Variants in CACNA1C observed in about 807,000 individuals in gnomAD.
CACNA1C encodes calcium voltage-gated channel subunit alpha1 C.
Under a neutral mutation model 229.0 loss-of-function variants are expected in CACNA1C, and 30 were observed. That is an observed-to-expected ratio of 0.13 (90% CI 0.10 to 0.18). CACNA1C has a LOEUF of 0.18. Ranked by LOEUF, CACNA1C falls within the 10% of genes least tolerant of loss-of-function variation. CACNA1C has a pLI of 1.00. For missense variants in CACNA1C, 1,658 were observed against 2,845.0 expected, an observed-to-expected ratio of 0.58 and a Z score of 9.49; for synonymous variants, 1,114 against 1,132.5, an observed-to-expected ratio of 0.98 and a Z score of 0.33.
chr12:2,516,415 G>A (rs999715548), intron 9 of CACNA1C, among the ~76,000 whole-genome samples: 1 of 152,170 alleles, frequency 6.6e-6, no homozygotes, highest in South Asian at 2.1e-4. Flanking sequence ...ATTGAGCAGA[G>A]AAGCAACACG....
intron 1 of CACNA1C, among the ~76,000 whole-genome samples, chr12:2,109,011 G>T (rs957869041): frequency 6.6e-6 from 1 of 152,204 alleles, no homozygotes; most frequent in Non-Finnish European, 1.5e-5. Context: ...ATTGCTCAGT[G>T]GTCAGGACTT....
chr12:2,493,432 G>A lies in CACNA1C; in HGVS notation c.1113+46G>A, dbSNP rs370205875. The A allele has an allele frequency of 1.5e-4, 224 of 1,462,310 alleles. No individual in the cohort carries two copies. The South Asian group carries it at 1.6e-3, about 10-fold the overall frequency. 90.6% of individuals were successfully genotyped at this position (1,462,310 alleles called of 1,614,324 possible). A position where few individuals can be genotyped will look rare whatever the true frequency, so the allele number is the denominator to read the frequency against. On this transcript the variant is annotated intron_variant, in intron 7 of 46. Coordinates refer to ENST00000399655, the MANE Select transcript of CACNA1C (RefSeq NM_000719.7). The surrounding 1 kb of genome is among the most constrained non-coding windows in gnomAD (Gnocchi z 4.6). ...GTCAGAGGGTGGGGGAACAGCGGCC[G>A]TGAACCCTTCCCTGACACCTCCCTT...
Position 2,691,358 on chromosome 12 carries a change from C to CCTT in CACNA1C, c.*160_*161insTTC. 3.7e-6 allele frequency: 3 copies of CCTT among 800,688 alleles called. No individual in the cohort carries two copies. Among genetic ancestry groups the CCTT allele is most frequent in the Non-Finnish European group, 5.2e-6 (3 of 582,224 alleles). The allele number at this position is 800,688 out of a possible 1,614,324, so 49.6% of individuals were successfully genotyped here. A position where few individuals can be genotyped will look rare whatever the true frequency, so the allele number is the denominator to read the frequency against. On this transcript the variant is annotated 3_prime_UTR_variant, in exon 47 of 47. Coordinates refer to ENST00000399655, the MANE Select transcript of CACNA1C (RefSeq NM_000719.7). ...ACGCGGAGCCTGGGTGCGCGAGCCG[C>CCTT]CCTCCGGGAGGAAGGCGCCCGGCTG...
intron 5 of CACNA1C, among the ~76,000 whole-genome samples, chr12:2,480,285 C>T (rs1031613610): frequency 2.6e-5 from 4 of 152,164 alleles, no homozygotes; most frequent in Non-Finnish European, 5.9e-5. Flanking sequence ...CGCCGGGACC[C>T]TCTACCTGCA....
At chr12:2,182,412 T>C (rs1415500940) in intron 3 of CACNA1C, among the ~76,000 whole-genome samples, 1 of 151,922 alleles carries the variant, frequency 6.6e-6, no homozygotes, top group Non-Finnish European at 1.5e-5. Flanking sequence ...CTTATGGGGT[T>C]TTTTTCCCCC....
At chr12:2,421,035 C>CT (rs2098973465) in intron 3 of CACNA1C, among the ~76,000 whole-genome samples, 1 of 151,882 alleles carries the variant, frequency 6.6e-6, no homozygotes, top group South Asian at 2.1e-4. Context: ...CTATTAGTGA[C>CT]TAACTAAGTT....
rs530804657 is a variant in CACNA1C, at chr12:2,308,987, C to T, written c.478-139989C>T. Among the ~76,000 whole-genome samples the T allele has an allele frequency of 7.0e-4, 106 of 152,282 alleles. 1 individual carries two copies. Among genetic ancestry groups the T allele is most frequent in the African/African-American group, 2.5e-3 (105 of 41,544 alleles). The stretch of plus-strand genomic sequence containing the variant: ...ACCATAGGATCCAGAAAGTCCACTT[C>T]TGGGTGTATATCTAAAGGAAATGAA... On this transcript the variant is annotated intron_variant, in intron 3 of 46. Coordinates refer to ENST00000399655, the MANE Select transcript of CACNA1C (RefSeq NM_000719.7).
At position 2,608,170 on chromosome 12, in the gene CACNA1C, A is replaced by G. The variant is rs1175220438; in HGVS notation, c.3357-341A>G. The G allele has an allele frequency of 5.2e-6, 1 of 192,328 alleles. No homozygotes were observed. The highest frequency in any genetic ancestry group is 1.1e-5 in the Non-Finnish European group (1 of 94,730). The allele number at this position is 192,328 out of a possible 1,614,324, so 11.9% of individuals were successfully genotyped here. Reference sequence around the variant, plus strand: ...AGTTTGCAAAGCTGTCTCAATATTTACCAATATTTCCAGTGTTTTAAATCA... The same window carrying G: ...AGTTTGCAAAGCTGTCTCAATATTTGCCAATATTTCCAGTGTTTTAAATCA... On this transcript the variant is annotated intron_variant, in intron 26 of 46. Transcript: ENST00000399655. The surrounding 1 kb of genome is among the most constrained non-coding windows in gnomAD (Gnocchi z 4.2).
intron 10 of CACNA1C, chr12:2,550,595 C>A (rs1293422396): frequency 2.2e-6 from 3 of 1,351,586 alleles, no homozygotes; most frequent in Non-Finnish European, 2.9e-6. Flanking sequence ...CTTGGGGTGT[C>A]ACGACTGTAA....
chr12:2,055,689 C>T (rs2054432686), intron 1 of CACNA1C, among the ~76,000 whole-genome samples: 1 of 152,210 alleles, frequency 6.6e-6, no homozygotes, highest in Non-Finnish European at 1.5e-5. Flanking sequence ...TGCCAGCAAA[C>T]GCTATGGCAA....
At chr12:2,680,536 A>C (rs1180804680) in intron 42 of CACNA1C, 34 of 1,571,892 alleles carry the variant, frequency 2.2e-5, no homozygotes, top group Non-Finnish European at 2.8e-5. Context: ...AGAGTAGGAG[A>C]GTGGCTCCCA....
chr12:2,055,320 T>C (rs1007431245), intron 1 of CACNA1C, among the ~76,000 whole-genome samples: 1 of 152,212 alleles, frequency 6.6e-6, no homozygotes, highest in African/African-American at 2.4e-5. Flanking sequence ...TGAGACTGCG[T>C]GCTTTACCCA....
chr12:2,332,777 T>TA (rs1314305706), intron 3 of CACNA1C, among the ~76,000 whole-genome samples: 3 of 152,216 alleles, frequency 2.0e-5, no homozygotes, highest in Admixed American at 2.0e-4. Flanking sequence ...AATACCAGAA[T>TA]AAAATGTACA....
At chr12:2,205,436 C>G (rs1168488000) in intron 3 of CACNA1C, among the ~76,000 whole-genome samples, 1 of 152,214 alleles carries the variant, frequency 6.6e-6, no homozygotes, top group Admixed American at 6.5e-5. Context: ...GAAAAGTCTG[C>G]TTTAGACTCC....
intron 9 of CACNA1C, among the ~76,000 whole-genome samples, chr12:2,546,581 G>A (rs566460859): frequency 8.0e-5 from 12 of 150,278 alleles, no homozygotes; most frequent in African/African-American, 1.5e-4. Context: ...AGGTGTCTTC[G>A]TGCTCTCCCG....
intron 3 of CACNA1C, among the ~76,000 whole-genome samples, chr12:2,411,939 C>T (rs956458010): frequency 1.3e-5 from 2 of 152,216 alleles, no homozygotes; most frequent in Non-Finnish European, 2.9e-5. Flanking sequence ...GATAGCCTCT[C>T]CCTCCTGGCT....
intron 1 of CACNA1C, among the ~76,000 whole-genome samples, chr12:2,079,081 A>T (rs1224909125): frequency 7.0e-6 from 1 of 143,844 alleles, no homozygotes. Flanking sequence ...TTGAACAATG[A>T]GAACACATGG....
chr12:2,481,205 G>A (rs1268421570), intron 5 of CACNA1C, among the ~76,000 whole-genome samples: 2 of 152,150 alleles, frequency 1.3e-5, no homozygotes, highest in East Asian at 1.9e-4. Flanking sequence ...AAGCAAAAGA[G>A]GATGTGATCT....
chr12:2,115,354 G>T lies in CACNA1C; in HGVS notation c.180G>T (p.Arg60=). 6.3e-7 allele frequency: 1 copy of T among 1,594,698 alleles called. No homozygotes were observed. Among genetic ancestry groups the T allele is most frequent in the East Asian group, 2.3e-5 (1 of 43,660 alleles). The part of the protein sequence containing the change: ...LSWQAAIDAA[R]QAKLMGSAGN... ...GGCAGGCGGCCATCGACGCAGCCCG[G>T]CAGGCTAAGCTGATGGGCAGCGCTG... is the stretch of plus-strand genomic sequence containing the variant. The change falls in exon 2 of 47, where the codon CGG becomes CGT. Residue 60 remains arginine, a synonymous_variant. Transcript: ENST00000399655.
Sources: allele counts gnomAD v4.1 joint callset (sites outside exome capture counted in the v4.1 genomes callset), GRCh38; gene constraint gnomAD v4.1.1; non-coding constraint Gnocchi (gnomAD v3.1); transcripts MANE v1.5; gene names NCBI Gene and HGNC (gene_info 2026-07-23, HGNC 2026-07-21).